IL1RAPL1: variants seen among roughly 807,000 people sequenced by gnomAD.
IL1RAPL1 encodes interleukin-1 receptor accessory protein-like 1.
IL1RAPL1 carries 3 observed loss-of-function variants against 48.4 expected under a neutral mutation model. The observed-to-expected ratio is 0.06, with a 90% CI of 0.03 to 0.16. IL1RAPL1 has a LOEUF of 0.16. IL1RAPL1 is among the 10% of genes least tolerant of loss of function. The pLI, the probability that IL1RAPL1 is intolerant of heterozygous loss-of-function variation, is 1.00. For missense variants in IL1RAPL1, 349 were observed against 530.6 expected, an observed-to-expected ratio of 0.66 and a Z score of 3.36; for synonymous variants, 185 against 187.7, an observed-to-expected ratio of 0.99 and a Z score of 0.12.
chrX:29,376,875 G>C (rs761410746), intron 3 of IL1RAPL1, among the ~76,000 whole-genome samples: 24 of 111,988 alleles, frequency 2.1e-4, no homozygotes, highest in African/African-American at 7.8e-4. Context: ...GGAGTGTTCT[G>C]TAGATGTCTG....
rs1204614415 is a variant in IL1RAPL1 at position 28,846,201 on chromosome X, G to A, written c.82+56776G>A. ...ATGTAACCTTTTCACATTGGCTTCT[G>A]TAACTTAGTGATATGCATTTAAGTT... On this transcript the variant is annotated intron_variant, in intron 2 of 10. Transcript: ENST00000378993. Among the ~76,000 whole-genome samples the A allele has an allele frequency of 2.7e-4, 30 of 111,735 alleles. No homozygotes were observed. The Admixed American group carries it at 2.9e-3, about 11-fold the overall frequency.
intron 5 of IL1RAPL1, among the ~76,000 whole-genome samples, chrX:29,637,993 T>G: frequency 8.9e-6 from 1 of 112,318 alleles, no homozygotes; most frequent in Non-Finnish European, 1.9e-5. Flanking sequence ...TTAGAATGAA[T>G]ACTTAGAAAA....
chrX:28,990,885 A>G (rs931263580), intron 2 of IL1RAPL1, among the ~76,000 whole-genome samples: 2 of 111,933 alleles, frequency 1.8e-5, no homozygotes, highest in African/African-American at 6.5e-5. Flanking sequence ...AAATACCTCA[A>G]TGCCAATGAG....
chrX:29,334,465 AC>A (rs1230355047), intron 3 of IL1RAPL1, among the ~76,000 whole-genome samples: 51 of 106,896 alleles, frequency 4.8e-4, no homozygotes, highest in African/African-American at 1.8e-3. Flanking sequence ...GACCCCCCCC[AC>A]CTCCCTCCCG....
intron 2 of IL1RAPL1, among the ~76,000 whole-genome samples, chrX:28,832,014 TATG>T (rs1921072235): frequency 9.0e-6 from 1 of 111,462 alleles, no homozygotes; most frequent in African/African-American, 3.3e-5. Flanking sequence ...TTGGGTATAG[TATG>T]ATATTTTGAT....
At chrX:29,010,279 AT>A (rs1926091678) in intron 2 of IL1RAPL1, among the ~76,000 whole-genome samples, 1 of 111,860 alleles carries the variant, frequency 8.9e-6, no homozygotes, top group East Asian at 2.8e-4. Context: ...TTCCAGTACT[AT>A]GCTGAACAGG....
intron 6 of IL1RAPL1, among the ~76,000 whole-genome samples, chrX:29,741,861 G>T (rs990086428): frequency 1.1e-4 from 11 of 100,007 alleles, no homozygotes; most frequent in African/African-American, 3.7e-4. Flanking sequence ...GGAGATGAAG[G>T]TTGCAGTAGG....
chrX:29,279,916 C>G (rs1241808383), intron 2 of IL1RAPL1, among the ~76,000 whole-genome samples: 1 of 111,636 alleles, frequency 9.0e-6, no homozygotes, highest in Non-Finnish European at 1.9e-5. Context: ...TTTTTGCTTA[C>G]CTTCAAGCAT....
chrX:29,461,139 G>A (rs975539078), intron 5 of IL1RAPL1, among the ~76,000 whole-genome samples: 10 of 111,148 alleles, frequency 9.0e-5, no homozygotes, highest in African/African-American at 1.6e-4. Context: ...GACACTTCTC[G>A]CAAGAAGATA....
chrX:28,864,057 C>T (rs1922018863), intron 2 of IL1RAPL1, among the ~76,000 whole-genome samples: 1 of 112,074 alleles, frequency 8.9e-6, no homozygotes. Flanking sequence ...ATACACTATA[C>T]ACATATATAC....
chrX:29,614,258 G>T (rs1287700843), intron 5 of IL1RAPL1, among the ~76,000 whole-genome samples: 1 of 111,548 alleles, frequency 9.0e-6, no homozygotes, highest in East Asian at 2.8e-4. Flanking sequence ...TAGGCAAATT[G>T]TCAGATTCTC....
intron 2 of IL1RAPL1, among the ~76,000 whole-genome samples, chrX:29,105,419 T>C (rs1928428607): frequency 8.9e-6 from 1 of 111,825 alleles, no homozygotes; most frequent in Non-Finnish European, 1.9e-5. Context: ...GCTATGGTGC[T>C]AGGAAAAAAA....
intron 1 of IL1RAPL1, among the ~76,000 whole-genome samples, chrX:28,630,000 A>G (rs931171851): frequency 1.0e-3 from 112 of 111,620 alleles, no homozygotes; most frequent in African/African-American, 3.4e-3. Context: ...AAAAATATAC[A>G]AAACTCAGTT....
At chrX:29,243,363 C>T (rs1226238151) in intron 2 of IL1RAPL1, among the ~76,000 whole-genome samples, 1 of 111,774 alleles carries the variant, frequency 8.9e-6, no homozygotes, top group Non-Finnish European at 1.9e-5. Context: ...TCAAATTGCC[C>T]GGTGAAATTC....
rs1298991342 is a variant in IL1RAPL1 at position 29,177,244 on chromosome X, G to A, written c.83-105694G>A. Among the ~76,000 whole-genome samples, 4 of 111,753 alleles carry A rather than the reference G, an allele frequency of 3.6e-5. No homozygotes were observed. In the Admixed American group the frequency reaches 3.8e-4, roughly 11 times the overall value. ...GATGCCTTTCTTTTTCTCTGAGAAA[G>A]AACAGACCAGTTTTGCTTTAATCAC... On this transcript the variant is annotated intron_variant, in intron 2 of 10. Coordinates refer to ENST00000378993, the MANE Select transcript of IL1RAPL1 (RefSeq NM_014271.4).
At chrX:29,687,993 T>C (rs1926674820) in intron 6 of IL1RAPL1, among the ~76,000 whole-genome samples, 1 of 111,753 alleles carries the variant, frequency 8.9e-6, no homozygotes, top group Admixed American at 9.5e-5. Context: ...TCTGAAGATC[T>C]TTTCAAGTGG....
chrX:29,368,083 G>A (rs1933491106), intron 3 of IL1RAPL1, among the ~76,000 whole-genome samples: 1 of 110,869 alleles, frequency 9.0e-6, no homozygotes, highest in Admixed American at 9.7e-5. Context: ...TTAATAAAAA[G>A]GATGATTATG....
At position 28,916,471 on chromosome X, in the gene IL1RAPL1, C is replaced by T. The variant is rs763076785; in HGVS notation, c.82+127046C>T. Among the ~76,000 whole-genome samples the T allele has an allele frequency of 3.6e-5, 4 of 112,347 alleles. No homozygotes were observed. The East Asian group carries it at 1.1e-3, about 32-fold the overall frequency. On this transcript the variant is annotated intron_variant, in intron 2 of 10. Coordinates refer to ENST00000378993, the MANE Select transcript of IL1RAPL1 (RefSeq NM_014271.4). Reference sequence around the variant, plus strand: ...CCCCAAGCCTAAAGGTAGAGACTACCTCCAGCGCTCTAGCCCAGAATAGCT... The same window carrying T: ...CCCCAAGCCTAAAGGTAGAGACTACTTCCAGCGCTCTAGCCCAGAATAGCT...
At chrX:29,913,417 TATATGTATACATATATAAACACAC>T (rs1932775592) in intron 6 of IL1RAPL1, among the ~76,000 whole-genome samples, 1 of 72,015 alleles carries the variant, frequency 1.4e-5, no homozygotes, top group Non-Finnish European at 2.9e-5. Context: ...TATATACACA[TATATGTATACATATATAAACACAC>T]ATATATATAC....
Sources: allele counts gnomAD v4.1 joint callset (sites outside exome capture counted in the v4.1 genomes callset), GRCh38; gene constraint gnomAD v4.1.1; transcripts MANE v1.5; gene names NCBI Gene and HGNC (gene_info 2026-07-23, HGNC 2026-07-21).